Variants in FBXO38 observed in about 807,000 individuals in gnomAD.
The protein encoded by FBXO38 is F-box only protein 38.
In FBXO38, 53 loss-of-function variants were observed where a neutral mutation model predicts 131.9. The ratio of observed to expected loss-of-function variants is 0.40; its 90% CI spans 0.32 to 0.51. The LOEUF (loss-of-function observed/expected upper bound fraction) is 0.51, where lower values mean the gene tolerates loss of function less well. FBXO38 is among the 20% of genes least tolerant of loss of function. The pLI, the probability that FBXO38 is intolerant of heterozygous loss-of-function variation, is 0.53. For synonymous variants in FBXO38, 452 were observed against 505.6 expected, an observed-to-expected ratio of 0.89 and a Z score of 1.42; for missense variants, 1,076 against 1,475.6, an observed-to-expected ratio of 0.73 and a Z score of 4.44.
chr5:148,415,883 A>G (rs1208055496), intron 10 of FBXO38, 45 bp from the exon 11 acceptor site: 2 of 1,606,542 alleles, frequency 1.2e-6, no homozygotes, highest in Non-Finnish European at 1.7e-6. Flanking sequence ...AGTAATGGGG[A>G]AAATGTTACT....
At chr5:148,385,675 G>C (rs1463161030) in intron 1 of FBXO38, among the ~76,000 whole-genome samples, 1 of 152,178 alleles carries the variant, frequency 6.6e-6, no homozygotes, top group African/African-American at 2.4e-5. Context: ...GGTTTATGTG[G>C]TGTGGTATTT....
intron 6 of FBXO38, among the ~76,000 whole-genome samples, chr5:148,405,917 A>G (rs781464190): frequency 5.9e-5 from 9 of 152,218 alleles, no homozygotes; most frequent in Non-Finnish European, 7.3e-5. Flanking sequence ...AACACTGGTC[A>G]TAGAGATGAT....
chr5:148,410,654 C>T lies in FBXO38; in HGVS notation c.982C>T (p.Gln328Ter). Residue 328 changes from glutamine to a stop codon, truncating the protein, a stop_gained, in exon 9 of 22, where the codon CAG becomes TAG. Transcript: ENST00000340253. LOFTEE classifies it high-confidence loss of function. ...AARRLHEVRI[Q>*]PSLTKDGVFS... The stretch of plus-strand genomic sequence containing the variant: ...TCACAGGTTACATGAAGTTCGGATC[C>T]AGCCTTCCCTAACCAAAGATGGTGT... The T allele has an allele frequency of 6.2e-7, 1 of 1,614,002 alleles. No homozygotes were observed. The highest frequency in any genetic ancestry group is 2.2e-5 in the East Asian group (1 of 44,880).
chr5:148,388,219 A>G (rs966085826), intron 1 of FBXO38, among the ~76,000 whole-genome samples: 1 of 152,224 alleles, frequency 6.6e-6, no homozygotes, highest in South Asian at 2.1e-4. Flanking sequence ...TTAGTATACT[A>G]TACTGTAAAC....
At chr5:148,406,453 A>G in intron 7 of FBXO38, 59 bp downstream of exon 7, 1 of 1,348,098 alleles carries the variant, frequency 7.4e-7, no homozygotes, top group Non-Finnish European at 9.9e-7. Context: ...ATAATCATTA[A>G]GCTTTTATTT....
chr5:148,423,408 T>A (rs1753548744), intron 12 of FBXO38, among the ~76,000 whole-genome samples: 1 of 152,220 alleles, frequency 6.6e-6, no homozygotes, highest in South Asian at 2.1e-4. Flanking sequence ...CTATAAACAT[T>A]TAGCATAGAG....
intron 15 of FBXO38, among the ~76,000 whole-genome samples, chr5:148,429,213 C>T (rs577050203): frequency 1.3e-5 from 2 of 152,178 alleles, no homozygotes; most frequent in South Asian, 2.1e-4. Context: ...TTTTATGCTG[C>T]GAAAGGCCTT....
At chr5:148,394,031 A>G (rs1758349014) in intron 1 of FBXO38, among the ~76,000 whole-genome samples, 1 of 152,122 alleles carries the variant, frequency 6.6e-6, no homozygotes, top group Non-Finnish European at 1.5e-5. Flanking sequence ...AAAACAAAAT[A>G]TGCATGTGAT....
At chr5:148,439,831 T>C (rs773509574) in intron 19 of FBXO38, 39 bp downstream of exon 19, 7 of 1,602,860 alleles carry the variant, frequency 4.4e-6, no homozygotes, top group Non-Finnish European at 6.0e-6. Flanking sequence ...TTTTGAGTCA[T>C]TTCTCATAGC....
At chr5:148,409,437 C>T (rs1752629668) in intron 8 of FBXO38, among the ~76,000 whole-genome samples, 1 of 152,158 alleles carries the variant, frequency 6.6e-6, no homozygotes. Context: ...CTAGCAAGCT[C>T]CAGAGTGGCA....
chr5:148,421,047 A>G (rs1581268406), intron 12 of FBXO38, among the ~76,000 whole-genome samples: 1 of 151,272 alleles, frequency 6.6e-6, no homozygotes, highest in African/African-American at 2.4e-5. Flanking sequence ...GCTCACTACA[A>G]CCTCCGCCTC....
Position 148,440,430 on chromosome 5 carries a change from C to T in FBXO38, c.3177C>T (p.Leu1059=), listed in dbSNP as rs1372897931. The T allele has an allele frequency of 3.1e-6, 5 of 1,604,172 alleles. No individual in the cohort carries two copies. Among genetic ancestry groups the T allele is most frequent in the East Asian group, 2.2e-5 (1 of 44,760 alleles). ...MDTIANINQE[L]IKYEFFPEAT... The stretch of plus-strand genomic sequence containing the variant: ...TTTTTCCTGTTGCTTCCAGAGAGCT[C>T]ATTAAATATGAATTCTTCCCTGAAG... Residue 1059 remains leucine (L), a synonymous_variant, in exon 20 of 22, where the codon CTC becomes CTT. Transcript: ENST00000340253.
intron 10 of FBXO38, 95 bp downstream of exon 10, chr5:148,414,401 G>GTAAA: frequency 8.9e-7 from 1 of 1,123,310 alleles, no homozygotes; most frequent in Non-Finnish European, 1.2e-6. Flanking sequence ...CATTCCTAAT[G>GTAAA]TAAAATGTAG....
Position 148,438,382 on chromosome 5 carries a change from G to A in FBXO38, c.2908G>A (p.Val970Ile). The change falls in exon 18 of 22, where the codon GTA becomes ATA. Residue 970 changes from valine (V) to isoleucine (I), a missense_variant. Val to Ile is a conservative substitution (Grantham distance 29). Coordinates refer to ENST00000340253, the MANE Select transcript of FBXO38 (RefSeq NM_205836.3). ...TTTAAAGGTAGAAAATGCACCAATTGTAAACCGATTTGACTATGCACAGTG... is the reference window on the plus strand; with the variant it reads ...TTTAAAGGTAGAAAATGCACCAATTATAAACCGATTTGACTATGCACAGTG... Reference protein sequence around the residue: ...KHLKVENAPIVNRFDYAQCKK... With the variant: ...KHLKVENAPIINRFDYAQCKK... 1 of 1,613,962 alleles carries A rather than the reference G, an allele frequency of 6.2e-7. No individual in the cohort carries two copies. The highest frequency in any genetic ancestry group is 8.5e-7 in the Non-Finnish European group (1 of 1,179,904).
chr5:148,395,188 G>C (rs1449648228), intron 2 of FBXO38, among the ~76,000 whole-genome samples: 1 of 152,068 alleles, frequency 6.6e-6, no homozygotes, highest in African/African-American at 2.4e-5. Context: ...AACATTTCTA[G>C]GCTTCTTGGG....
chr5:148,404,554 A>G, intron 5 of FBXO38, 131 bp from the exon 6 acceptor site: 6 of 760,962 alleles, frequency 7.9e-6, no homozygotes, highest in Non-Finnish European at 1.1e-5. Context: ...GATTTTGTAT[A>G]ATTTGTTCGG....
At position 148,427,586 on chromosome 5, in the gene FBXO38, G is replaced by A. The variant is rs755358619; in HGVS notation, c.2292G>A (p.Glu764=). ...GGTCAGAGGACTCTGAGGCCATGGA[G>A]GAGGGAGATGCAGAGAGTTCTGTCT... ...PGGSEDSEAM[E]EGDAESSVCP... is the part of the protein sequence containing the mutation. Residue 764 remains glutamate, a synonymous_variant, in exon 15 of 22, where the codon GAG becomes GAA. Coordinates refer to ENST00000340253, the MANE Select transcript of FBXO38 (RefSeq NM_205836.3). The A allele has an allele frequency of 3.7e-6, 6 of 1,614,212 alleles. No homozygotes were observed. The Admixed American group carries it at 6.7e-5, about 18-fold the overall frequency.
rs1486690632 is a variant in FBXO38 at position 148,439,740 on chromosome 5, C to T, written c.3118C>T (p.Arg1040Trp). The change falls in exon 19 of 22, where the codon CGG (arginine) becomes TGG (tryptophan). Residue 1040 changes from arginine (R) to tryptophan (W), a missense_variant. Coordinates refer to ENST00000340253, the MANE Select transcript of FBXO38 (RefSeq NM_205836.3). The stretch of plus-strand genomic sequence containing the variant: ...TGAATTCAGTAACCCTCCCAATGTC[C>T]GGAATAAGGTGCGCATTCGCAGCTG... ...IHEFSNPPNVRNKVRIRSWMD... is the reference protein window; with the variant it reads ...IHEFSNPPNVWNKVRIRSWMD... 5 of 1,613,864 alleles carry T rather than the reference C, an allele frequency of 3.1e-6. No individual in the cohort carries two copies. The highest frequency in any genetic ancestry group is 2.2e-5 in the East Asian group (1 of 44,878).
chr5:148,402,196 G>T, intron 4 of FBXO38, 51 bp downstream of exon 4: 1 of 1,577,992 alleles, frequency 6.3e-7, no homozygotes, highest in Middle Eastern at 1.7e-4. Context: ...TGAAATAATA[G>T]ACCAAAGAAT....
Sources: allele counts gnomAD v4.1 joint callset (sites outside exome capture counted in the v4.1 genomes callset), GRCh38; gene constraint gnomAD v4.1.1; transcripts MANE v1.5; gene names NCBI Gene and HGNC (gene_info 2026-07-23, HGNC 2026-07-21).